Variants in ATG5 observed in about 807,000 individuals in gnomAD.
ATG5 encodes the protein autophagy related 5.
In ATG5, 14 loss-of-function variants were observed where a neutral mutation model predicts 36.5. The observed-to-expected ratio is 0.38, with a 90% confidence interval of 0.25 to 0.60. The LOEUF (loss-of-function observed/expected upper bound fraction) is 0.60, where lower values mean the gene tolerates loss of function less well. Ranked by LOEUF, ATG5 falls within the 20% of genes least tolerant of loss-of-function variation. The pLI, the probability that ATG5 is intolerant of heterozygous loss-of-function variation, is 0.60. For synonymous variants in ATG5, 95 were observed against 101.5 expected (o/e 0.94, Z 0.38); for missense variants, 195 against 326.7 (o/e 0.60, Z 3.11).
intron 5 of ATG5, among the ~76,000 whole-genome samples, chr6:106,276,649 T>C (rs1189818676): frequency 1.3e-5 from 2 of 152,192 alleles, no homozygotes; most frequent in Non-Finnish European, 2.9e-5. Context: ...GCTGAACCCC[T>C]GAGTTCTTTT....
chr6:106,295,427 G>A (rs1286917218), intron 3 of ATG5, among the ~76,000 whole-genome samples: 1 of 152,090 alleles, frequency 6.6e-6, no homozygotes, highest in Non-Finnish European at 1.5e-5. Context: ...ATTCACTCGA[G>A]ATCACATAAA....
intron 2 of ATG5, 78 bp downstream of exon 2, chr6:106,316,023 G>A: frequency 8.9e-7 from 1 of 1,127,784 alleles, no homozygotes; most frequent in Non-Finnish European, 1.3e-6. Flanking sequence ...TTACATAATG[G>A]CCTCCAAGTT....
chr6:106,279,123 TCA>T (rs1779776623), intron 5 of ATG5, among the ~76,000 whole-genome samples: 1 of 152,172 alleles, frequency 6.6e-6, no homozygotes, highest in African/African-American at 2.4e-5. Flanking sequence ...GCAGGCAAGA[TCA>T]CAGAGTTATT....
intron 5 of ATG5, among the ~76,000 whole-genome samples, chr6:106,252,832 G>C (rs772736562): frequency 1.6e-4 from 25 of 152,230 alleles, no homozygotes; most frequent in Non-Finnish European, 2.9e-4. Context: ...AGCCAAGGGA[G>C]AGCAGAGTTA....
intron 6 of ATG5, among the ~76,000 whole-genome samples, chr6:106,221,969 G>T (rs1301635412): frequency 1.3e-5 from 2 of 152,008 alleles, no homozygotes; most frequent in African/African-American, 4.8e-5. Flanking sequence ...ATGGCTTACT[G>T]CAATGTCTGC....
At chr6:106,292,042 C>G (rs761660504) in intron 4 of ATG5, among the ~76,000 whole-genome samples, 1 of 152,190 alleles carries the variant, frequency 6.6e-6, no homozygotes, top group Non-Finnish European at 1.5e-5. Flanking sequence ...GAAAGAAACT[C>G]AGACACCTAA....
chr6:106,194,608 G>C (rs1253922387), intron 7 of ATG5, among the ~76,000 whole-genome samples: 4 of 151,610 alleles, frequency 2.6e-5, no homozygotes, highest in Non-Finnish European at 5.9e-5. Context: ...GCGCATTCCA[G>C]GTCACTGCAA....
intron 3 of ATG5, among the ~76,000 whole-genome samples, chr6:106,299,660 C>T (rs746404554): frequency 7.2e-5 from 11 of 152,098 alleles, no homozygotes; most frequent in Non-Finnish European, 1.3e-4. Flanking sequence ...TTATTCATTA[C>T]TCCATTTATG....
At chr6:106,186,795 G>C (rs1192071887) in intron 7 of ATG5, 119 bp from the exon 8 acceptor site, 1 of 1,191,984 alleles carries the variant, frequency 8.4e-7, no homozygotes, top group East Asian at 2.5e-5. Context: ...TTTGTCCCCT[G>C]AACAGGAAAT....
intron 6 of ATG5, among the ~76,000 whole-genome samples, chr6:106,235,977 G>T (rs989629003): frequency 6.6e-6 from 1 of 152,094 alleles, no homozygotes; most frequent in African/African-American, 2.4e-5. Context: ...TCCCTTACTG[G>T]TTGGGTCCAT....
At chr6:106,274,750 TAAAG>T (rs1229522914) in intron 5 of ATG5, among the ~76,000 whole-genome samples, 8 of 152,124 alleles carry the variant, frequency 5.3e-5, no homozygotes, top group Non-Finnish European at 8.8e-5. Flanking sequence ...AGGAATAAAA[TAAAG>T]AAGTCATGCA....
At chr6:106,260,455 T>C (rs1484047842) in intron 5 of ATG5, among the ~76,000 whole-genome samples, 1 of 152,230 alleles carries the variant, frequency 6.6e-6, no homozygotes, top group African/African-American at 2.4e-5. Flanking sequence ...ATAGTCTGGA[T>C]ACTAAAGGGA....
rs1019857304 is a variant in ATG5, at chr6:106,236,758, A to AT, written c.573+11391dup. On this transcript the variant is annotated intron_variant, in intron 6 of 7. Coordinates refer to ENST00000369076, the MANE Select transcript of ATG5 (RefSeq NM_004849.4). ...ATGAAAAATTAAACACAGTGGAGAC[A>AT]TTTTTTGTATAAGTTGTTTTACTCT... Among the ~76,000 whole-genome samples the AT allele has an allele frequency of 2.6e-5, 4 of 152,152 alleles. No individual in the cohort carries two copies. In the East Asian group the frequency reaches 7.7e-4, roughly 29 times the overall value.
At chr6:106,229,558 G>GT (rs1175952893) in intron 6 of ATG5, among the ~76,000 whole-genome samples, 3 of 149,418 alleles carry the variant, frequency 2.0e-5, no homozygotes, top group Admixed American at 7.0e-5. Flanking sequence ...GATAGAAATA[G>GT]TAAAAAAAAA....
intron 5 of ATG5, among the ~76,000 whole-genome samples, chr6:106,268,769 C>T (rs1779324786): frequency 6.6e-6 from 1 of 152,056 alleles, no homozygotes; most frequent in East Asian, 1.9e-4. Flanking sequence ...GGCAAACTAA[C>T]ACAGGAACAG....
chr6:106,204,776 T>C (rs1373582461), intron 6 of ATG5, among the ~76,000 whole-genome samples: 14 of 152,200 alleles, frequency 9.2e-5, no homozygotes, highest in Admixed American at 9.2e-4. Flanking sequence ...CCACAAGCCA[T>C]ACGGAACTGT....
At chr6:106,216,941 T>C (rs1777062899) in intron 6 of ATG5, among the ~76,000 whole-genome samples, 1 of 151,112 alleles carries the variant, frequency 6.6e-6, no homozygotes, top group Non-Finnish European at 1.5e-5. Flanking sequence ...ATTGAGATTA[T>C]ACTTCAAGTA....
chr6:106,288,715 G>C (rs898740226), intron 4 of ATG5, among the ~76,000 whole-genome samples: 2 of 152,158 alleles, frequency 1.3e-5, no homozygotes, highest in Non-Finnish European at 1.5e-5. Context: ...CAATGCTGCA[G>C]AATCAGAAAC....
At chr6:106,324,328 T>C (rs751498642) in intron 1 of ATG5, among the ~76,000 whole-genome samples, 1 of 152,186 alleles carries the variant, frequency 6.6e-6, no homozygotes, top group Non-Finnish European at 1.5e-5. Flanking sequence ...GAACTAAAGA[T>C]AGGAGGATGT....
Sources: gnomAD v4.1 joint callset for allele counts (sites outside exome capture counted in the v4.1 genomes callset) on GRCh38, gnomAD v4.1.1 for gene constraint, MANE v1.5 for transcripts, NCBI Gene and HGNC (gene_info 2026-07-23, HGNC 2026-07-21) for gene names.